The following SEMA3D variants were observed in gnomAD, a reference collection of about 807,000 sequenced individuals.
SEMA3D encodes the protein semaphorin 3D.
A neutral mutation model predicts 100.1 loss-of-function variants in SEMA3D; 84 were observed. The observed-to-expected ratio is 0.84, with a 90% CI of 0.70 to 1.01. SEMA3D has a LOEUF of 1.01. Ranked by LOEUF, SEMA3D falls within the 50% of genes least tolerant of loss-of-function variation. The probability of loss-of-function intolerance (pLI) is 0.00; values close to 1 mark genes in which losing one functional copy is unlikely to be tolerated. For missense variants in SEMA3D, 875 were observed against 934.1 expected, an observed-to-expected ratio of 0.94 and a Z score of 0.82; for synonymous variants, 312 against 320.7, an observed-to-expected ratio of 0.97 and a Z score of 0.29.
At chr7:85,245,122 A>G in the SEMA3D span, among the ~76,000 whole-genome samples, 10 of 152,338 alleles carry the variant, frequency 6.6e-5, no homozygotes, top group African/African-American at 9.6e-5. Flanking sequence ...TGTATGGCAC[A>G]TTAAGATCCT....
upstream of SEMA3D, among the ~76,000 whole-genome samples, chr7:85,190,150 T>C (rs984525432): frequency 7.2e-5 from 11 of 152,090 alleles, no homozygotes; most frequent in African/African-American, 1.7e-4. Context: ...ACAATCCTAG[T>C]TCTCTCTGAA....
In SEMA3D at chr7:85,055,833, T is replaced by C. The variant is rs764630171; in HGVS notation, c.745A>G (p.Ile249Val). 5 of 1,570,898 alleles carry C rather than the reference T, an allele frequency of 3.2e-6. No individual in the cohort carries two copies. The highest frequency in any genetic ancestry group is 1.4e-5 in the African/African-American group (1 of 73,338). The change falls in exon 9 of 19, where the codon ATA becomes GTA. Residue 249 changes from isoleucine to valine, a missense_variant. By Grantham distance (29) the Ile-to-Val change is conservative. Coordinates refer to ENST00000284136, the MANE Select transcript of SEMA3D (RefSeq NM_001384900.1). Reference sequence around the variant, plus strand: ...TCATCTGGATTGTAGGTGTCTGGTATGAAGAAAGTTCCAATAAATTTTGCT... The same window carrying C: ...TCATCTGGATTGTAGGTGTCTGGTACGAAGAAAGTTCCAATAAATTTTGCT... ...NGAKFIGTFFIPDTYNPDDDK... is the reference protein window; with the variant it reads ...NGAKFIGTFFVPDTYNPDDDK...
chr7:85,212,144 TACAA>T, the SEMA3D span, among the ~76,000 whole-genome samples: 7 of 152,156 alleles, frequency 4.6e-5, no homozygotes, highest in Non-Finnish European at 1.0e-4. Flanking sequence ...GATCTAATAG[TACAA>T]ATGGTATAGG....
chr7:85,146,153 C>A (rs1014464871), intron 2 of SEMA3D, among the ~76,000 whole-genome samples: 2 of 152,074 alleles, frequency 1.3e-5, no homozygotes, highest in African/African-American at 4.8e-5. Context: ...CTTATCCAAT[C>A]GACTTTATAT....
chr7:85,240,550 A>G, the SEMA3D span, among the ~76,000 whole-genome samples: 14 of 152,168 alleles, frequency 9.2e-5, no homozygotes. Context: ...TTTGTAGATT[A>G]GACTGCAAAG....
In SEMA3D at chr7:84,999,534, C is replaced by A; in HGVS notation, c.2240G>T (p.Gly747Val). ...REKRRQRNKG[G>V]PKWKHMQEMK... Reference sequence around the variant, plus strand: ...TTCCTGCATGTGCTTCCACTTTGGGCCCCCCTTGTTTCTCTGTCTCCGCTT... The same window carrying A: ...TTCCTGCATGTGCTTCCACTTTGGGACCCCCTTGTTTCTCTGTCTCCGCTT... Residue 747 changes from glycine (G) to valine (V), a missense_variant, in exon 19 of 19, where the codon GGC becomes GTC. By Grantham distance (109) the Gly-to-Val change is moderately radical. Coordinates refer to ENST00000284136, the MANE Select transcript of SEMA3D (RefSeq NM_001384900.1). 6.2e-7 allele frequency: 1 copy of A among 1,614,028 alleles called. No homozygotes were observed. Among genetic ancestry groups the A allele is most frequent in the Middle Eastern group, 1.6e-4 (1 of 6,062 alleles).
At chr7:84,999,959 GA>G in intron 18 of SEMA3D, 94 bp from the exon 19 acceptor site, 2 of 932,122 alleles carry the variant, frequency 2.1e-6, no homozygotes, top group Non-Finnish European at 1.6e-6. Context: ...AGATGAATAT[GA>G]AAGACATATT....
chr7:85,169,955 T>G (rs1791041516), intron 1 of SEMA3D, among the ~76,000 whole-genome samples: 1 of 151,698 alleles, frequency 6.6e-6, no homozygotes, highest in African/African-American at 2.4e-5. Context: ...TGTTTGTGAA[T>G]GTGAAAATAA....
Position 85,095,559 on chromosome 7 carries a change from C to T in SEMA3D, c.312+2246G>A, listed in dbSNP as rs138988979. Among the ~76,000 whole-genome samples the T allele has an allele frequency of 1.2e-3, 180 of 152,136 alleles. 1 individual carries two copies. The highest frequency in any genetic ancestry group is 4.1e-3 in the African/African-American group (170 of 41,548). On this transcript the variant is annotated intron_variant, in intron 4 of 18. Transcript: ENST00000284136. Reference sequence around the variant, plus strand: ...TCCGCAAAAGAGTTTGGATCTTTGCCGAGGGGCACTGAGCCAATGAAAACC... The same window carrying T: ...TCCGCAAAAGAGTTTGGATCTTTGCTGAGGGGCACTGAGCCAATGAAAACC...
chr7:85,047,651 C>T (rs541999331), intron 9 of SEMA3D, among the ~76,000 whole-genome samples: 1 of 151,868 alleles, frequency 6.6e-6, no homozygotes, highest in South Asian at 2.1e-4. Flanking sequence ...GTTTACTCTC[C>T]AAGACATTTG....
chr7:85,075,408 T>A (rs1436387054), intron 5 of SEMA3D, among the ~76,000 whole-genome samples: 1 of 149,868 alleles, frequency 6.7e-6, no homozygotes, highest in African/African-American at 2.5e-5. Context: ...AATGGGGATA[T>A]AATTTTGGTG....
At chr7:85,144,671 C>A (rs1336988201) in intron 2 of SEMA3D, 4 of 985,240 alleles carry the variant, frequency 4.1e-6, no homozygotes, top group South Asian at 4.7e-5. Context: ...TTAAGTCAGC[C>A]TGGAGCCCAA....
chr7:85,021,123 T>C (rs1290591072), intron 13 of SEMA3D, among the ~76,000 whole-genome samples: 1 of 151,776 alleles, frequency 6.6e-6, no homozygotes. Context: ...TAGTAACGTA[T>C]ATAATAATGA....
chr7:85,132,264 A>G (rs969196611), intron 2 of SEMA3D, among the ~76,000 whole-genome samples: 3 of 151,922 alleles, frequency 2.0e-5, no homozygotes, highest in Non-Finnish European at 4.4e-5. Context: ...AACAAAAATT[A>G]TTTTATTGAC....
intron 8 of SEMA3D, among the ~76,000 whole-genome samples, chr7:85,061,892 C>A (rs932185485): frequency 1.3e-5 from 2 of 152,172 alleles, no homozygotes; most frequent in Non-Finnish European, 2.9e-5. Flanking sequence ...TCCAGCCAGA[C>A]TGCCTAGGTC....
the SEMA3D span, among the ~76,000 whole-genome samples, chr7:85,202,981 C>T: frequency 1.3e-5 from 2 of 152,060 alleles, no homozygotes; most frequent in Non-Finnish European, 2.9e-5. Context: ...CAAATTGAAA[C>T]GTTTTCATAG....
At position 85,142,852 on chromosome 7, in the gene SEMA3D, C is replaced by A. The variant is rs550839611; in HGVS notation, c.-41+10756G>T. ...CAAAATAAATACAACCCATCTTATA[C>A]TTTTTCTTTTCTGAATATGTCTTTC... On this transcript the variant is annotated intron_variant, in intron 2 of 18. Transcript: ENST00000284136. The A allele has an allele frequency of 9.1e-6, 9 of 985,022 alleles. No homozygotes were observed. The African/African-American group carries it at 1.6e-4, about 17-fold the overall frequency. The allele number at this position is 985,022 out of a possible 1,614,324, so 61.0% of individuals were successfully genotyped here. A position where few individuals can be genotyped will look rare whatever the true frequency, so the allele number is the denominator to read the frequency against.
chr7:85,220,929 A>C, the SEMA3D span, among the ~76,000 whole-genome samples: 1 of 152,106 alleles, frequency 6.6e-6, no homozygotes, highest in Non-Finnish European at 1.5e-5. Context: ...AGTTCAACAC[A>C]AAAGTGGATC....
intron 3 of SEMA3D, among the ~76,000 whole-genome samples, chr7:85,102,174 AAAGGAGGTGATATT>A (rs1788767736): frequency 1.3e-5 from 2 of 152,026 alleles, no homozygotes; most frequent in South Asian, 4.1e-4. Flanking sequence ...TCACCTTCTA[AAAGGAGGTGATATT>A]TGAGCACAGC....
Sources: gnomAD v4.1 joint callset for allele counts (sites outside exome capture counted in the v4.1 genomes callset) on GRCh38, gnomAD v4.1.1 for gene constraint, MANE v1.5 for transcripts, NCBI Gene and HGNC (gene_info 2026-07-23, HGNC 2026-07-21) for gene names.